GORASP2: variants seen among roughly 807,000 people sequenced by gnomAD.
GORASP2 encodes golgi reassembly stacking protein 2, also known as Golgi reassembly-stacking protein 2.
Under a neutral mutation model 45.7 loss-of-function variants are expected in GORASP2, and 22 were observed. That is an observed-to-expected ratio of 0.48 (90% CI 0.34 to 0.69). GORASP2 has a LOEUF of 0.69. GORASP2 is among the 30% of genes least tolerant of loss of function. The pLI, the probability that GORASP2 is intolerant of heterozygous loss-of-function variation, is 0.01. For missense variants in GORASP2, 491 were observed against 562.7 expected (o/e 0.87, Z 1.29); for synonymous variants, 221 against 215.6 (o/e 1.02, Z -0.22).
intron 7 of GORASP2, 138 bp from the exon 8 acceptor site, chr2:170,961,525 T>A: frequency 1.5e-6 from 1 of 675,694 alleles, no homozygotes; most frequent in Non-Finnish European, 2.7e-6. Context: ...TGATGGACAG[T>A]CAGTTGCAGC....
At chr2:170,950,426 AG>A (rs1441966663) in intron 4 of GORASP2, 136 bp downstream of exon 4, 7 of 515,806 alleles carry the variant, frequency 1.4e-5, no homozygotes, top group Non-Finnish European at 2.4e-5. Flanking sequence ...CTTAAGCCTC[AG>A]GGTGTTAAAT....
chr2:170,966,246 ATAAT>A lies in GORASP2; in HGVS notation c.*118_*121del. 1.3e-6 allele frequency: 1 copy of A among 764,362 alleles called. No homozygotes were observed. The highest frequency in any genetic ancestry group is 2.2e-6 in the Non-Finnish European group (1 of 453,182). The allele number at this position is 764,362 out of a possible 1,614,324, so 47.3% of individuals were successfully genotyped here. ...TACCGTATCTGTAGGCATCCTGTAA[ATAAT>A]TCCAAGGGGAAAACTAAACGAGGAC... On this transcript the variant is annotated 3_prime_UTR_variant, in exon 10 of 10. Coordinates refer to ENST00000234160, the MANE Select transcript of GORASP2 (RefSeq NM_015530.5).
rs1373853977 is a variant in GORASP2 at position 170,956,475 on chromosome 2, C to G, written c.739C>G (p.Pro247Ala). ...AGTTAATCCCCCGTCTTTGTCACCA[C>G]CAGGAACTACAGGAATTGAACAGAG... The part of the protein sequence containing the change: ...SSVNPPSLSP[P>A]GTTGIEQSLT... The change falls in exon 7 of 10, where the codon CCA (proline) becomes GCA (alanine). Residue 247 changes from proline (P) to alanine (A), a missense_variant. Pro to Ala is a conservative substitution (Grantham distance 27). Transcript: ENST00000234160. The G allele has an allele frequency of 1.9e-6, 3 of 1,613,138 alleles. No individual in the cohort carries two copies. The Admixed American group carries it at 5.0e-5, about 27-fold the overall frequency.
In GORASP2 at chr2:170,966,503, T is replaced by TC. The variant is rs1704690904; in HGVS notation, c.*373_*374insC. 3 of 278,106 alleles carry TC rather than the reference T, an allele frequency of 1.1e-5. No homozygotes were observed. The South Asian group carries it at 1.2e-4, about 11-fold the overall frequency. The allele number at this position is 278,106 out of a possible 1,614,324, so 17.2% of individuals were successfully genotyped here. A position where few individuals can be genotyped will look rare whatever the true frequency, so the allele number is the denominator to read the frequency against. ...AGAAAATGAAATATTCTATGCCTAA[T>TC]ACTCACACGCAACATTTCTTGTACT... On this transcript the variant is annotated 3_prime_UTR_variant, in exon 10 of 10. Transcript: ENST00000234160.
In GORASP2 at chr2:170,929,281, G is replaced by T; in HGVS notation, c.-60G>T. On this transcript the variant is annotated 5_prime_UTR_variant, in exon 1 of 10. Coordinates refer to ENST00000234160, the MANE Select transcript of GORASP2 (RefSeq NM_015530.5). ...TGCTACGCGGAGGATTAGAGCAGGC[G>T]GTGCGCTGGGGGCGGGAGCAGCGCG... is the stretch of plus-strand genomic sequence containing the variant. The T allele has an allele frequency of 1.6e-6, 2 of 1,257,480 alleles. No individual in the cohort carries two copies. Among genetic ancestry groups the T allele is most frequent in the South Asian group, 4.1e-5 (2 of 49,036 alleles). 77.9% of individuals were successfully genotyped at this position (1,257,480 alleles called of 1,614,324 possible). A position where few individuals can be genotyped will look rare whatever the true frequency, so the allele number is the denominator to read the frequency against.
chr2:170,955,149 A>C (rs1405949768), intron 6 of GORASP2, among the ~76,000 whole-genome samples: 1 of 152,096 alleles, frequency 6.6e-6, no homozygotes, highest in Non-Finnish European at 1.5e-5. Flanking sequence ...CCAGAGGGAA[A>C]ACCAAGCTTC....
intron 7 of GORASP2, among the ~76,000 whole-genome samples, chr2:170,957,457 T>C (rs1463070886): frequency 1.3e-5 from 2 of 152,184 alleles, no homozygotes; most frequent in Admixed American, 1.3e-4. Context: ...TTTGTATTTT[T>C]AGTAGAGACG....
intron 5 of GORASP2, among the ~76,000 whole-genome samples, chr2:170,952,713 G>A (rs931428967): frequency 4.6e-5 from 7 of 152,188 alleles, no homozygotes; most frequent in South Asian, 2.1e-4. Flanking sequence ...TTTGGAGACA[G>A]CGTCTTGCTC....
chr2:170,960,812 T>C (rs1704539955), intron 7 of GORASP2, among the ~76,000 whole-genome samples: 1 of 152,196 alleles, frequency 6.6e-6, no homozygotes, highest in Admixed American at 6.5e-5. Flanking sequence ...AGTAGATAAA[T>C]GAATAAATAA....
At chr2:170,963,127 C>CT (rs1704603654) in intron 9 of GORASP2, among the ~76,000 whole-genome samples, 181 bp downstream of exon 9, 1 of 152,146 alleles carries the variant, frequency 6.6e-6, no homozygotes, top group African/African-American at 2.4e-5. Context: ...AATCCCAGCA[C>CT]TTTGGGAGGC....
At chr2:170,947,179 G>A (rs903479685) in intron 1 of GORASP2, among the ~76,000 whole-genome samples, 5 of 152,124 alleles carry the variant, frequency 3.3e-5, no homozygotes, top group African/African-American at 7.2e-5. Flanking sequence ...TGTAATTTCA[G>A]GAGCTGTAGT....
chr2:170,951,980 AATT>A (rs1704310223), intron 5 of GORASP2, among the ~76,000 whole-genome samples: 1 of 152,248 alleles, frequency 6.6e-6, no homozygotes, highest in East Asian at 1.9e-4. Context: ...TACTTGATCA[AATT>A]ATCATTGTCC....
intron 3 of GORASP2, chr2:170,949,969 A>G (rs1392436196): frequency 1.2e-5 from 7 of 567,188 alleles, no homozygotes; most frequent in Non-Finnish European, 2.2e-5. Flanking sequence ...TTTATTCATT[A>G]TAAGATGTGT....
intron 1 of GORASP2, among the ~76,000 whole-genome samples, chr2:170,944,136 A>G (rs1428792393): frequency 6.6e-6 from 1 of 152,220 alleles, no homozygotes; most frequent in East Asian, 1.9e-4. Flanking sequence ...GAGATCTCAT[A>G]GGGGATAGAA....
chr2:170,937,409 C>T (rs920012165), intron 1 of GORASP2, among the ~76,000 whole-genome samples: 1 of 152,126 alleles, frequency 6.6e-6, no homozygotes, highest in East Asian at 1.9e-4. Context: ...CCACATTGCC[C>T]AGGCTGGTCT....
intron 1 of GORASP2, among the ~76,000 whole-genome samples, chr2:170,941,339 G>T (rs142363715): frequency 5.9e-5 from 9 of 152,110 alleles, no homozygotes; most frequent in Non-Finnish European, 2.9e-5. Context: ...AAAGTAAATC[G>T]TGTGGCCCTA....
At chr2:170,932,551 A>G (rs1216363066) in intron 1 of GORASP2, among the ~76,000 whole-genome samples, 2 of 152,168 alleles carry the variant, frequency 1.3e-5, no homozygotes, top group Non-Finnish European at 2.9e-5. Context: ...ACTGTATTGA[A>G]TTTTAATGGT....
In GORASP2 at chr2:170,949,633, G is replaced by A. The variant is rs1180455550; in HGVS notation, c.239G>A (p.Arg80Gln). The change falls in exon 3 of 10, where the codon CGA (arginine) becomes CAA (glutamine). Residue 80 changes from arginine (R) to glutamine (Q), a missense_variant. Coordinates refer to ENST00000234160, the MANE Select transcript of GORASP2 (RefSeq NM_015530.5). ...LIYSSKTLEL[R>Q]ETSVTPSNLW... ...TATAGCAGCAAAACATTGGAACTGC[G>A]AGAGACCTCAGTCACACCAAGTAAC... is the stretch of plus-strand genomic sequence containing the variant. 7 of 1,614,026 alleles carry A rather than the reference G, an allele frequency of 4.3e-6. No individual in the cohort carries two copies. The highest frequency in any genetic ancestry group is 1.1e-5 in the South Asian group (1 of 91,080).
At chr2:170,964,217 T>G (rs1409345864) in intron 9 of GORASP2, among the ~76,000 whole-genome samples, 1 of 152,224 alleles carries the variant, frequency 6.6e-6, no homozygotes, top group African/African-American at 2.4e-5. Context: ...GGCCCGTCAG[T>G]GATGTCAGTG....
Sources: allele counts gnomAD v4.1 joint callset (sites outside exome capture counted in the v4.1 genomes callset), GRCh38; gene constraint gnomAD v4.1.1; transcripts MANE v1.5; gene names NCBI Gene and HGNC (gene_info 2026-07-23, HGNC 2026-07-21).